GSG1: variants seen among roughly 807,000 people sequenced by gnomAD.
GSG1 encodes the protein germ cell-specific gene 1 protein.
GSG1 carries 28 observed loss-of-function variants against 30.8 expected under a neutral mutation model. The ratio of observed to expected loss-of-function variants is 0.91; its 90% CI spans 0.67 to 1.25. The LOEUF (loss-of-function observed/expected upper bound fraction) is 1.25. Ranked by LOEUF, GSG1 falls within the 50% of genes most tolerant of loss-of-function variation. GSG1 has a pLI of 0.00. For missense variants in GSG1, 435 were observed against 444.7 expected, an observed-to-expected ratio of 0.98 and a Z score of 0.20; for synonymous variants, 162 against 178.0, an observed-to-expected ratio of 0.91 and a Z score of 0.71.
rs1863373221 is a variant in GSG1, at chr12:13,103,570, C to T, written c.-58G>A. ...AGTTTATCTTCTGTTCTGTCTCAAT[C>T]AGTTGGGTAGAATGAGTGTTTAGCG... is the stretch of plus-strand genomic sequence containing the variant. On this transcript the variant is annotated 5_prime_UTR_variant, in exon 1 of 7. Coordinates refer to ENST00000651961, the MANE Select transcript of GSG1 (RefSeq NM_001080555.4). 1.3e-6 allele frequency: 2 copies of T among 1,591,938 alleles called. No homozygotes were observed. Among genetic ancestry groups the T allele is most frequent in the South Asian group, 2.2e-5 (2 of 90,484 alleles).
At position 13,084,845 on chromosome 12, in the gene GSG1, TA is replaced by T; in HGVS notation, c.*55del. ...GGATGTTGGCTTAAGCACATGTTGA[TA>T]ATCAGCAGACGTGTAAGGTAGGGCT... On this transcript the variant is annotated 3_prime_UTR_variant, in exon 7 of 7. Transcript: ENST00000651961. The T allele has an allele frequency of 8.7e-7, 1 of 1,154,564 alleles. No homozygotes were observed. The highest frequency in any genetic ancestry group is 1.2e-6 in the Non-Finnish European group (1 of 816,110). The allele number at this position is 1,154,564 out of a possible 1,614,324, so 71.5% of individuals were successfully genotyped here.
intron 1 of GSG1, chr12:13,095,568 C>A (rs747101324): frequency 6.2e-7 from 1 of 1,607,944 alleles, no homozygotes; most frequent in Admixed American, 1.7e-5. Context: ...TAGACTGCAT[C>A]CTTTGAGCAA....
rs771340638 is a variant in GSG1 at position 13,090,677 on chromosome 12, C to T, written c.190G>A (p.Glu64Lys). ...AAGCACTTGGCTGCCAGACCTTTCTCGCACAGGGGCTTGGGCACCTTCTGT... is the reference window on the plus strand; with the variant it reads ...AAGCACTTGGCTGCCAGACCTTTCTTGCACAGGGGCTTGGGCACCTTCTGT... ...GTQKVPKPLC[E>K]KGLAAKCFDM... Residue 64 changes from glutamate to lysine, a missense_variant, in exon 2 of 7, where the codon GAG becomes AAG. Physicochemically the swap from Glu to Lys is moderately conservative, Grantham distance 56 (BLOSUM62 1). Transcript: ENST00000651961. 41 of 1,614,096 alleles carry T rather than the reference C, an allele frequency of 2.5e-5. No homozygotes were observed. The highest frequency in any genetic ancestry group is 3.3e-4 in the Middle Eastern group (2 of 6,084).
intron 1 of GSG1, among the ~76,000 whole-genome samples, chr12:13,097,790 C>T (rs748970662): frequency 1.2e-4 from 18 of 152,304 alleles, no homozygotes; most frequent in South Asian, 4.2e-4. Context: ...TTTGGGCTTA[C>T]ATTTAATAAA....
Position 13,090,606 on chromosome 12 carries a change from C to T in GSG1, c.261G>A (p.Gln87=), listed in dbSNP as rs760560382. The stretch of plus-strand genomic sequence containing the variant: ...TCTCCCAGTTGTATTGTACCACCTC[C>T]TGGGTGGATGTGTTGGTATCTCCAT... ...SLDGDTNTST[Q]EVVQYNWETG... Residue 87 remains glutamine, a synonymous_variant, in exon 2 of 7, where the codon CAG becomes CAA. Transcript: ENST00000651961. 1 of 1,614,246 alleles carries T rather than the reference C, an allele frequency of 6.2e-7. No individual in the cohort carries two copies. The highest frequency in any genetic ancestry group is 2.2e-5 in the East Asian group (1 of 44,890).
Position 13,088,885 on chromosome 12 carries a change from T to G in GSG1, c.458A>C (p.Glu153Ala), listed in dbSNP as rs1034570468. The change falls in exon 4 of 7, where the codon GAA (glutamate) becomes GCA (alanine). Residue 153 changes from glutamate (E) to alanine (A), a missense_variant. Physicochemically the swap from Glu to Ala is moderately radical, Grantham distance 107. Coordinates refer to ENST00000651961, the MANE Select transcript of GSG1 (RefSeq NM_001080555.4). ...AKGERCRSFIELTPPAKREIL... is the reference protein window; with the variant it reads ...AKGERCRSFIALTPPAKREIL... ...ACCTCTCTTGGCTGGTGGTGTAAGT[T>G]CAATGAAACTTCGGCACCTCTCCCC... 1 of 1,614,174 alleles carries G rather than the reference T, an allele frequency of 6.2e-7. No homozygotes were observed. The highest frequency in any genetic ancestry group is 1.1e-5 in the South Asian group (1 of 91,082).
Position 13,084,889 on chromosome 12 carries a change from C to A in GSG1, c.*12G>T. The A allele has an allele frequency of 6.6e-7, 1 of 1,523,176 alleles. No homozygotes were observed. Among genetic ancestry groups the A allele is most frequent in the Non-Finnish European group, 8.9e-7 (1 of 1,127,760 alleles). 94.4% of individuals were successfully genotyped at this position (1,523,176 alleles called of 1,614,324 possible). ...GTAGGGCTCAAGCCTACTCCCCAAA[C>A]CCGCTTAACTCCTAACACTGCTCTT... On this transcript the variant is annotated 3_prime_UTR_variant, in exon 7 of 7. Coordinates refer to ENST00000651961, the MANE Select transcript of GSG1 (RefSeq NM_001080555.4).
rs916391424 is a variant in GSG1 at position 13,085,295 on chromosome 12, G to A, written c.747-52C>T. 2.0e-6 allele frequency: 3 copies of A among 1,507,878 alleles called. No homozygotes were observed. The African/African-American group carries it at 4.2e-5, about 21-fold the overall frequency. 93.4% of individuals were successfully genotyped at this position (1,507,878 alleles called of 1,614,324 possible). ...GACAGTAAGAATAGGACTTTCTTGA[G>A]AGAAAAATGCCATGACCTCTTCCTA... On this transcript the variant is annotated intron_variant, in intron 6 of 6. Transcript: ENST00000651961.
intron 1 of GSG1, 96 bp from the exon 2 acceptor site, chr12:13,090,914 G>C (rs903902856): frequency 1.8e-4 from 180 of 1,027,772 alleles, no homozygotes; most frequent in Middle Eastern, 2.6e-4. Flanking sequence ...CACTCCCTCC[G>C]CTCAAGCCAT....
At chr12:13,099,756 T>TGTTGTTG (rs1565551195) in intron 1 of GSG1, among the ~76,000 whole-genome samples, 1 of 141,528 alleles carries the variant, frequency 7.1e-6, no homozygotes. Flanking sequence ...TTTTGTTTTT[T>TGTTGTTG]TTTTTTTTTT....
chr12:13,084,580 G>T lies in GSG1; in HGVS notation c.*321C>A, dbSNP rs767945864. 1 of 194,872 alleles carries T rather than the reference G, an allele frequency of 5.1e-6. No individual in the cohort carries two copies. Among genetic ancestry groups the T allele is most frequent in the Non-Finnish European group, 1.1e-5 (1 of 94,374 alleles). 12.1% of individuals were successfully genotyped at this position (194,872 alleles called of 1,614,324 possible). A position where few individuals can be genotyped will look rare whatever the true frequency, so the allele number is the denominator to read the frequency against. ...TCCAGACCAATAACTAGATGTATCA[G>T]ATCCTTAAGGTCGGGAAGTGTATTT... On this transcript the variant is annotated 3_prime_UTR_variant, in exon 7 of 7. Coordinates refer to ENST00000651961, the MANE Select transcript of GSG1 (RefSeq NM_001080555.4).
In GSG1 at chr12:13,084,375, C is replaced by T. The variant is rs1393144866; in HGVS notation, c.*526G>A. 3 of 153,318 alleles carry T rather than the reference C, an allele frequency of 2.0e-5. No individual in the cohort carries two copies. Among genetic ancestry groups the T allele is most frequent in the Non-Finnish European group, 4.4e-5 (3 of 68,854 alleles). The allele number at this position is 153,318 out of a possible 1,614,324, so 9.5% of individuals were successfully genotyped here. On this transcript the variant is annotated 3_prime_UTR_variant, in exon 7 of 7. Coordinates refer to ENST00000651961, the MANE Select transcript of GSG1 (RefSeq NM_001080555.4). The stretch of plus-strand genomic sequence containing the variant: ...ATTTAATAACACTTTTACTGGGTAC[C>T]TACTGTGTGGATGCAGGACACTGTC...
rs147691361 is a variant in GSG1 at position 13,086,467 on chromosome 12, C to T, written c.746+685G>A. ...TACTTAGCACTTAGACAGTAAATAT[C>T]AGTACAAGTTGGCAACTTGCTGTGA... On this transcript the variant is annotated intron_variant, in intron 6 of 6. Transcript: ENST00000651961. Among the ~76,000 whole-genome samples, 127 of 152,330 alleles carry T rather than the reference C, an allele frequency of 8.3e-4. No homozygotes were observed. In the East Asian group the frequency reaches 0.02, roughly 25 times the overall value.
chr12:13,098,456 A>ATTTTTTTTTTTTTTT lies in GSG1; in HGVS notation c.48+4994_48+5008dup, dbSNP rs771887535. Among the ~76,000 whole-genome samples, 7 of 47,402 alleles carry ATTTTTTTTTTTTTTT rather than the reference A, an allele frequency of 1.5e-4. 2 individuals carry two copies. The highest frequency in any genetic ancestry group is 2.5e-4 in the African/African-American group (3 of 11,882). 31.1% of individuals were successfully genotyped at this position (47,402 alleles called of 152,430 possible). On this transcript the variant is annotated intron_variant, in intron 1 of 6. Coordinates refer to ENST00000651961, the MANE Select transcript of GSG1 (RefSeq NM_001080555.4). ...CTTGTAGGATTGTTTCATGTAGCCCATTTTTTTTTTTTTTTTTTTTTTTTT... is the reference window on the plus strand; with the variant it reads ...CTTGTAGGATTGTTTCATGTAGCCCATTTTTTTTTTTTTTTTTTTTTTTTTTTTTTTTTTTTTTTT...
Position 13,090,821 on chromosome 12 carries a change from G to C in GSG1, c.49-3C>G. 1.2e-6 allele frequency: 2 copies of C among 1,601,972 alleles called. No individual in the cohort carries two copies. The highest frequency in any genetic ancestry group is 1.1e-5 in the South Asian group (1 of 89,444). ...GAGAAGGCCTTCGAGAGCTCCATCT[G>C]TAATAGACAAGCACAAGTGGAAGGG... On this transcript the variant is annotated splice_polypyrimidine_tract_variant and splice_region_variant and intron_variant, in intron 1 of 6. Coordinates refer to ENST00000651961, the MANE Select transcript of GSG1 (RefSeq NM_001080555.4).
intron 1 of GSG1, 123 bp from the exon 2 acceptor site, chr12:13,090,941 T>C (rs1298617060): frequency 2.5e-6 from 2 of 788,698 alleles, no homozygotes; most frequent in Admixed American, 2.8e-5. Context: ...CCAAGGCAGA[T>C]AGGCACAACC....
chr12:13,090,604 T>A lies in GSG1; in HGVS notation c.263A>T (p.Glu88Val), dbSNP rs750006525. The change falls in exon 2 of 7, where the codon GAG becomes GTG. Residue 88 changes from glutamate to valine, a missense_variant. Transcript: ENST00000651961. The stretch of plus-strand genomic sequence containing the variant: ...AGTCTCCCAGTTGTATTGTACCACC[T>A]CCTGGGTGGATGTGTTGGTATCTCC... ...LDGDTNTSTQ[E>V]VVQYNWETGD... is the part of the protein sequence containing the mutation. The A allele has an allele frequency of 1.2e-5, 19 of 1,614,092 alleles. No individual in the cohort carries two copies. The highest frequency in any genetic ancestry group is 1.4e-5 in the Non-Finnish European group (17 of 1,180,014).
At position 13,084,835 on chromosome 12, in the gene GSG1, C is replaced by A; in HGVS notation, c.*66G>T. The A allele has an allele frequency of 6.6e-6, 7 of 1,059,264 alleles. No homozygotes were observed. The highest frequency in any genetic ancestry group is 3.2e-5 in the South Asian group (2 of 62,732). The allele number at this position is 1,059,264 out of a possible 1,614,324, so 65.6% of individuals were successfully genotyped here. On this transcript the variant is annotated 3_prime_UTR_variant, in exon 7 of 7. Transcript: ENST00000651961. ...CTCAAGAGACGGATGTTGGCTTAAGCACATGTTGATAATCAGCAGACGTGT... is the reference window on the plus strand; with the variant it reads ...CTCAAGAGACGGATGTTGGCTTAAGAACATGTTGATAATCAGCAGACGTGT...
At chr12:13,088,296 G>A (rs769710343) in intron 4 of GSG1, among the ~76,000 whole-genome samples, 1 of 152,166 alleles carries the variant, frequency 6.6e-6, no homozygotes, top group Non-Finnish European at 1.5e-5. Flanking sequence ...TGTAAATACT[G>A]TTGGGGAGAT....
Sources: gnomAD v4.1 joint callset for allele counts (sites outside exome capture counted in the v4.1 genomes callset) on GRCh38, gnomAD v4.1.1 for gene constraint, MANE v1.5 for transcripts, NCBI Gene and HGNC (gene_info 2026-07-23, HGNC 2026-07-21) for gene names.